Variants in IL1RAPL1 observed in about 807,000 individuals in gnomAD.
IL1RAPL1 encodes the protein interleukin-1 receptor accessory protein-like 1.
In IL1RAPL1, 3 loss-of-function variants were observed where a neutral mutation model predicts 48.4. That is an observed-to-expected ratio of 0.06 (90% CI 0.03 to 0.16). IL1RAPL1 has a LOEUF of 0.16. Among genes scored for constraint, IL1RAPL1 ranks in the 10% least tolerant of loss-of-function variants. The pLI, the probability that IL1RAPL1 is intolerant of heterozygous loss-of-function variation, is 1.00. For missense variants in IL1RAPL1, 349 were observed against 530.6 expected (o/e 0.66, Z 3.36); for synonymous variants, 185 against 187.7 (o/e 0.99, Z 0.12).
chrX:29,845,847 A>T (rs2147195870), intron 6 of IL1RAPL1, among the ~76,000 whole-genome samples: 1 of 111,198 alleles, frequency 9.0e-6, no homozygotes, highest in East Asian at 2.8e-4. Flanking sequence ...GCAAAAGGTG[A>T]GCAGGCGCGT....
intron 2 of IL1RAPL1, among the ~76,000 whole-genome samples, chrX:28,814,341 T>TTGTGTGTGTGTGTG (rs753090480): frequency 3.3e-4 from 30 of 89,736 alleles, no homozygotes; most frequent in Non-Finnish European, 6.2e-4. Context: ...ATTTTCAGGT[T>TTGTGTGTGTGTGTG]TGTGTGTGTG....
At chrX:29,889,267 A>T (rs150319230) in intron 6 of IL1RAPL1, among the ~76,000 whole-genome samples, 1,968 of 111,619 alleles carry the variant, frequency 0.018, 45 homozygotes, top group African/African-American at 0.06. Context: ...TGCTGATTGG[A>T]ATACTTTTGG....
chrX:29,951,266 G>T (rs1933315158), intron 9 of IL1RAPL1, among the ~76,000 whole-genome samples: 1 of 112,128 alleles, frequency 8.9e-6, no homozygotes, highest in Admixed American at 9.5e-5. Flanking sequence ...ACATACCTGA[G>T]CTAAGGATCT....
intron 1 of IL1RAPL1, among the ~76,000 whole-genome samples, chrX:28,636,414 T>G (rs1934465724): frequency 8.9e-6 from 1 of 112,291 alleles, no homozygotes; most frequent in Admixed American, 9.5e-5. Context: ...TAAAGATACA[T>G]AATTTTTTAT....
intron 6 of IL1RAPL1, among the ~76,000 whole-genome samples, chrX:29,897,144 A>C (rs983888225): frequency 9.8e-5 from 11 of 112,355 alleles, no homozygotes; most frequent in South Asian, 7.4e-4. Flanking sequence ...GTTATGTAGA[A>C]ATCTGAGGGT....
At chrX:28,661,971 A>T (rs184092337) in intron 1 of IL1RAPL1, among the ~76,000 whole-genome samples, 1 of 111,852 alleles carries the variant, frequency 8.9e-6, no homozygotes, top group African/African-American at 3.3e-5. Flanking sequence ...AAGTAGGAGA[A>T]GTATTAAAAA....
At chrX:29,612,411 A>G (rs1257721633) in intron 5 of IL1RAPL1, among the ~76,000 whole-genome samples, 1 of 109,584 alleles carries the variant, frequency 9.1e-6, no homozygotes, top group Non-Finnish European at 1.9e-5. Flanking sequence ...AACTCATTTT[A>G]TTAAAAAAAA....
intron 2 of IL1RAPL1, among the ~76,000 whole-genome samples, chrX:29,043,722 A>T (rs1926895478): frequency 8.9e-6 from 1 of 111,910 alleles, no homozygotes; most frequent in Admixed American, 9.5e-5. Flanking sequence ...CCTGTAATCC[A>T]TTAAAAGAAT....
chrX:29,509,129 A>C (rs919475827), intron 5 of IL1RAPL1, among the ~76,000 whole-genome samples: 1 of 111,947 alleles, frequency 8.9e-6, no homozygotes, highest in Admixed American at 9.5e-5. Flanking sequence ...ATTGTACCAC[A>C]CAGTGATGGT....
chrX:29,109,295 T>TA lies in IL1RAPL1; in HGVS notation c.83-173643_83-173642insA, dbSNP rs1928512989. Among the ~76,000 whole-genome samples the TA allele has an allele frequency of 4.9e-5, 3 of 61,408 alleles. No individual in the cohort carries two copies. In the South Asian group the frequency reaches 2.0e-3, roughly 40 times the overall value. The allele number at this position is 61,408 out of a possible 115,157, so 53.3% of individuals were successfully genotyped here. A position where few individuals can be genotyped will look rare whatever the true frequency, so the allele number is the denominator to read the frequency against. Reference sequence around the variant, plus strand: ...TTTTGTCATTTCAGAGAGTACCTGTTCTTTTTTTTTTTTTTTTGTAGAAAA... The same window carrying TA: ...TTTTGTCATTTCAGAGAGTACCTGTTACTTTTTTTTTTTTTTTTGTAGAAAA... On this transcript the variant is annotated intron_variant, in intron 2 of 10. Transcript: ENST00000378993.
chrX:29,240,232 T>A (rs868792705), intron 2 of IL1RAPL1, among the ~76,000 whole-genome samples: 2 of 59,036 alleles, frequency 3.4e-5, no homozygotes, highest in African/African-American at 1.8e-4. Context: ...ATATTTTTTT[T>A]TTTTTTTTTT....
At chrX:28,747,963 G>A (rs983259551) in intron 1 of IL1RAPL1, among the ~76,000 whole-genome samples, 35 of 111,527 alleles carry the variant, frequency 3.1e-4, no homozygotes, top group East Asian at 8.5e-4. Flanking sequence ...ATACTACCAC[G>A]TATTTTAATT....
chrX:29,078,504 G>C (rs1289060022), intron 2 of IL1RAPL1, among the ~76,000 whole-genome samples: 1 of 111,999 alleles, frequency 8.9e-6, no homozygotes, highest in African/African-American at 3.2e-5. Flanking sequence ...ATGAGGTCAT[G>C]ACATAGATTT....
chrX:29,659,753 T>A (rs1381144868), intron 5 of IL1RAPL1, among the ~76,000 whole-genome samples: 1 of 111,829 alleles, frequency 8.9e-6, no homozygotes, highest in Non-Finnish European at 1.9e-5. Context: ...GCCTCCCAAG[T>A]AGCTGGTATT....
intron 1 of IL1RAPL1, among the ~76,000 whole-genome samples, chrX:28,787,393 T>C (rs1377174351): frequency 9.0e-6 from 1 of 111,249 alleles, no homozygotes; most frequent in African/African-American, 3.3e-5. Context: ...GGAAATGGTA[T>C]TCGGGTTTTA....
chrX:29,607,365 T>C (rs1325191833), intron 5 of IL1RAPL1, among the ~76,000 whole-genome samples: 1 of 112,143 alleles, frequency 8.9e-6, no homozygotes, highest in Non-Finnish European at 1.9e-5. Flanking sequence ...TTGTAACTGT[T>C]AGTCTCTCTG....
chrX:29,904,173 T>C (rs2147228531), intron 6 of IL1RAPL1, among the ~76,000 whole-genome samples: 1 of 111,387 alleles, frequency 9.0e-6, no homozygotes, highest in Non-Finnish European at 1.9e-5. Flanking sequence ...GTTTTTTCGA[T>C]ATCTAAATGG....
At chrX:29,472,506 A>G (rs1368690298) in intron 5 of IL1RAPL1, among the ~76,000 whole-genome samples, 1 of 112,187 alleles carries the variant, frequency 8.9e-6, no homozygotes, top group Non-Finnish European at 1.9e-5. Context: ...TCAAGGCCAG[A>G]CTAATTTATT....
intron 2 of IL1RAPL1, among the ~76,000 whole-genome samples, chrX:28,862,044 GAAATATAA>G (rs1921958964): frequency 1.8e-5 from 2 of 111,213 alleles, no homozygotes; most frequent in Admixed American, 9.6e-5. Flanking sequence ...TGATGATTTT[GAAATATAA>G]ATGCTAAGAA....
Sources: allele counts gnomAD v4.1 joint callset (sites outside exome capture counted in the v4.1 genomes callset), GRCh38; gene constraint gnomAD v4.1.1; transcripts MANE v1.5; gene names NCBI Gene and HGNC (gene_info 2026-07-23, HGNC 2026-07-21).